PECAM1: variants seen among roughly 807,000 people sequenced by gnomAD.
PECAM1 encodes platelet endothelial cell adhesion molecule.
A neutral mutation model predicts 13.8 loss-of-function variants in PECAM1; 8 were observed. The observed-to-expected ratio is 0.58, with a 90% CI of 0.34 to 1.05. The LOEUF (loss-of-function observed/expected upper bound fraction) is 1.05. PECAM1 is among the 50% of genes least tolerant of loss of function. PECAM1 has a pLI of 0.03. For synonymous variants in PECAM1, 136 were observed against 52.6 expected (o/e 2.58, Z -6.86); for missense variants, 304 against 141.2 (o/e 2.15, Z -5.84).
chr17:64,342,601 G>T (rs1282193195), intron 13 of PECAM1, among the ~76,000 whole-genome samples: 2 of 152,010 alleles, frequency 1.3e-5, no homozygotes, highest in South Asian at 2.1e-4. Flanking sequence ...GGTCTGGGGG[G>T]GTCCCTGGTG....
chr17:64,375,760 T>C (rs2036343059), intron 3 of PECAM1, among the ~76,000 whole-genome samples: 1 of 151,192 alleles, frequency 6.6e-6, no homozygotes, highest in African/African-American at 2.4e-5. Flanking sequence ...CCGAGGAGGT[T>C]GAGGCGGCAG....
Position 64,353,495 on chromosome 17 carries a change from A to G in PECAM1, c.1912T>C (p.Ser638Pro). 4.2e-6 allele frequency: 2 copies of G among 471,524 alleles called. No homozygotes were observed. 29.2% of individuals were successfully genotyped at this position (471,524 alleles called of 1,614,324 possible). Residue 638 changes from serine to proline, a missense_variant, in exon 10 of 16, where the codon TCC becomes CCC. By Grantham distance (74) the Ser-to-Pro change is moderately conservative. Transcript: ENST00000563924. ...CCTTCTTACAAATACACTCACCTGG[A>G]CATTTCCACTGGCATCTGCTTGGCT... ...AKAKQMPVEM[S>P]RPAVPLLNSN...
intron 13 of PECAM1, among the ~76,000 whole-genome samples, chr17:64,347,325 C>G (rs1460229972): frequency 1.3e-5 from 2 of 151,512 alleles, no homozygotes; most frequent in African/African-American, 4.9e-5. Flanking sequence ...CGAGTTCACG[C>G]TGGCCAACAT....
intron 2 of PECAM1, among the ~76,000 whole-genome samples, chr17:64,385,696 G>A (rs2036577713): frequency 6.6e-6 from 1 of 152,178 alleles, no homozygotes; most frequent in African/African-American, 2.4e-5. Flanking sequence ...AGTGATATCA[G>A]TAAGCACCAA....
intron 2 of PECAM1, among the ~76,000 whole-genome samples, chr17:64,378,416 T>G (rs949305544): frequency 6.6e-6 from 1 of 152,034 alleles, no homozygotes. Flanking sequence ...CCAAGGTGGG[T>G]GGATCACCTG....
At chr17:64,362,942 C>A (rs1457787590) in intron 6 of PECAM1, among the ~76,000 whole-genome samples, 1 of 152,116 alleles carries the variant, frequency 6.6e-6, no homozygotes, top group Admixed American at 6.6e-5. Context: ...AGAATCTTAG[C>A]AAGTCAGAGG....
chr17:64,357,951 A>G (rs1268099701), intron 7 of PECAM1, among the ~76,000 whole-genome samples: 2 of 151,752 alleles, frequency 1.3e-5, no homozygotes, highest in African/African-American at 2.4e-5. Context: ...CCTTCCTTCC[A>G]TCTTCTGGCT....
chr17:64,348,094 C>T (rs2035627127), intron 13 of PECAM1, among the ~76,000 whole-genome samples, 166 bp downstream of exon 13: 2 of 152,078 alleles, frequency 1.3e-5, no homozygotes, highest in South Asian at 4.1e-4. Context: ...GGGCCAGGGG[C>T]CTTTGCTCCT....
intron 14 of PECAM1, among the ~76,000 whole-genome samples, chr17:64,339,387 A>G (rs2035368754): frequency 6.6e-6 from 1 of 152,186 alleles, no homozygotes; most frequent in South Asian, 2.1e-4. Flanking sequence ...AATCCCATTG[A>G]AAGACACGAT....
chr17:64,356,991 C>T (rs2035860985), intron 7 of PECAM1, among the ~76,000 whole-genome samples: 5 of 152,156 alleles, frequency 3.3e-5, no homozygotes, highest in African/African-American at 4.8e-5. Context: ...CCCCAACCAA[C>T]GTCCCTGAGT....
At chr17:64,337,659 G>T (rs2035314841) in intron 14 of PECAM1, among the ~76,000 whole-genome samples, 1 of 151,750 alleles carries the variant, frequency 6.6e-6, no homozygotes, top group African/African-American at 2.4e-5. Flanking sequence ...ACAAGAGTGG[G>T]TTCTACGATG....
At chr17:64,377,202 C>T (rs118193713) in intron 3 of PECAM1, among the ~76,000 whole-genome samples, 11 of 152,112 alleles carry the variant, frequency 7.2e-5, no homozygotes, top group African/African-American at 2.4e-4. Flanking sequence ...CTTAACACAC[C>T]GCTGTGGCCT....
At chr17:64,341,589 C>A in intron 14 of PECAM1, 45 bp downstream of exon 14, 1 of 428,098 alleles carries the variant, frequency 2.3e-6, no homozygotes, top group Non-Finnish European at 4.3e-6. Flanking sequence ...ATCAGTGATT[C>A]TAGGGGGCAT....
chr17:64,352,090 G>T (rs2035737510), intron 11 of PECAM1, among the ~76,000 whole-genome samples: 1 of 152,158 alleles, frequency 6.6e-6, no homozygotes, highest in Non-Finnish European at 1.5e-5. Context: ...CTTGAAAATG[G>T]AGAATTATAA....
chr17:64,323,988 G>C, intron 15 of PECAM1, 143 bp from the exon 16 acceptor site: 2 of 818,188 alleles, frequency 2.4e-6, no homozygotes, highest in East Asian at 4.8e-5. Flanking sequence ...CACCCTGCAG[G>C]GTTCTCTCTG....
intron 2 of PECAM1, among the ~76,000 whole-genome samples, chr17:64,386,768 A>G (rs2143915850): frequency 6.6e-6 from 1 of 152,280 alleles, no homozygotes; most frequent in South Asian, 2.1e-4. Flanking sequence ...CCCAGTCTCT[A>G]CAAAAACAAA....
intron 13 of PECAM1, among the ~76,000 whole-genome samples, chr17:64,342,596 G>C (rs930262870): frequency 2.0e-4 from 30 of 151,912 alleles, no homozygotes; most frequent in Non-Finnish European, 4.3e-4. Context: ...GGATTGGTCT[G>C]GGGGGGTCCC....
chr17:64,382,834 C>T (rs1282000980), intron 2 of PECAM1, among the ~76,000 whole-genome samples: 1 of 151,408 alleles, frequency 6.6e-6, no homozygotes, highest in African/African-American at 2.4e-5. Context: ...GTCAGGAGTT[C>T]GAGACCAGCC....
chr17:64,352,304 C>A, intron 11 of PECAM1, 86 bp downstream of exon 11: 1 of 435,592 alleles, frequency 2.3e-6, no homozygotes, highest in Non-Finnish European at 4.2e-6. Flanking sequence ...GTAATCCCAC[C>A]ACTTACATAT....
Sources: allele counts gnomAD v4.1 joint callset (sites outside exome capture counted in the v4.1 genomes callset), GRCh38; gene constraint gnomAD v4.1.1; transcripts MANE v1.5; gene names NCBI Gene and HGNC (gene_info 2026-07-23, HGNC 2026-07-21).